The following ZNF618 variants were observed in gnomAD, a reference collection of about 807,000 sequenced individuals.
ZNF618 encodes neural precursor cell expressed, developmentally down-regulated 10.
A neutral mutation model predicts 103.0 loss-of-function variants in ZNF618; 34 were observed. The observed-to-expected ratio is 0.33, with a 90% CI of 0.25 to 0.44. The LOEUF (loss-of-function observed/expected upper bound fraction) is 0.44. Ranked by LOEUF, ZNF618 falls within the 20% of genes least tolerant of loss-of-function variation. The pLI is 1.00. For missense variants in ZNF618, 1,059 were observed against 1,295.4 expected (o/e 0.82, Z 2.80); for synonymous variants, 551 against 542.2 (o/e 1.02, Z -0.23).
At chr9:113,903,523 A>T (rs528220624) in intron 1 of ZNF618, among the ~76,000 whole-genome samples, 2 of 151,550 alleles carry the variant, frequency 1.3e-5, no homozygotes, top group Non-Finnish European at 2.9e-5. Flanking sequence ...AGCATCTATC[A>T]TAGTTTATGT....
chr9:114,026,100 G>A (rs1393371073), intron 10 of ZNF618, among the ~76,000 whole-genome samples: 1 of 152,224 alleles, frequency 6.6e-6, no homozygotes, highest in Non-Finnish European at 1.5e-5. Flanking sequence ...AGTTTTGGGG[G>A]AGGCAGACTC....
chr9:113,998,269 G>C lies in ZNF618; in HGVS notation c.348G>C (p.Ala116=), dbSNP rs977285433. The C allele has an allele frequency of 6.4e-7, 1 of 1,550,516 alleles. No homozygotes were observed. The highest frequency in any genetic ancestry group is 8.7e-7 in the Non-Finnish European group (1 of 1,146,964). ...VRNQQTLDGK[A]PEGSPHGGSV... Reference sequence around the variant, plus strand: ...TCTTACGTAATTCAGATGGAAAAGCGCCCGAAGGCAGCCCCCACGGTGGAT... The same window carrying C: ...TCTTACGTAATTCAGATGGAAAAGCCCCCGAAGGCAGCCCCCACGGTGGAT... Residue 116 remains alanine (A), a synonymous_variant, in exon 4 of 15, where the codon GCG becomes GCC. Transcript: ENST00000374126.
At chr9:113,914,936 A>G (rs918740778) in intron 1 of ZNF618, among the ~76,000 whole-genome samples, 3 of 152,172 alleles carry the variant, frequency 2.0e-5, no homozygotes, top group African/African-American at 7.2e-5. Flanking sequence ...ACTTACCTGC[A>G]TAGCCCCTGA....
chr9:113,938,472 A>G (rs1285914158), intron 1 of ZNF618, among the ~76,000 whole-genome samples: 1 of 151,894 alleles, frequency 6.6e-6, no homozygotes, highest in East Asian at 1.9e-4. Context: ...GTGAGCCACC[A>G]CACCCAACCC....
At chr9:113,951,497 G>GTGTACACATATGTGTGTACATA (rs1835694670) in intron 1 of ZNF618, among the ~76,000 whole-genome samples, 1 of 36,898 alleles carries the variant, frequency 2.7e-5, no homozygotes, top group African/African-American at 7.6e-5. Flanking sequence ...ATGTGTGTAT[G>GTGTACACATATGTGTGTACATA]TGTACACATA....
At chr9:114,041,293 A>G (rs1845159151) in intron 13 of ZNF618, among the ~76,000 whole-genome samples, 1 of 152,084 alleles carries the variant, frequency 6.6e-6, no homozygotes, top group Non-Finnish European at 1.5e-5. Context: ...ATTCACTCTG[A>G]TGGTAGTTTC....
At chr9:114,046,817 C>T (rs1438057779) in intron 13 of ZNF618, among the ~76,000 whole-genome samples, 1 of 152,108 alleles carries the variant, frequency 6.6e-6, no homozygotes, top group East Asian at 1.9e-4. Context: ...TTGTCTTTTA[C>T]TCTATTAGCG....
chr9:114,036,821 C>T (rs573306152), intron 13 of ZNF618, among the ~76,000 whole-genome samples: 3 of 152,360 alleles, frequency 2.0e-5, no homozygotes, highest in Admixed American at 6.5e-5. Flanking sequence ...GAGTCTCATT[C>T]ACTAACACCC....
chr9:114,038,465 T>G (rs1156660434), intron 13 of ZNF618, among the ~76,000 whole-genome samples: 1 of 152,224 alleles, frequency 6.6e-6, no homozygotes, highest in Non-Finnish European at 1.5e-5. Flanking sequence ...CCAGCCACAC[T>G]GAATCGGGAT....
chr9:114,020,477 T>TGTTTA (rs1842978191), intron 10 of ZNF618, among the ~76,000 whole-genome samples: 1 of 152,166 alleles, frequency 6.6e-6, no homozygotes, highest in South Asian at 2.1e-4. Flanking sequence ...ATTTAGGGCT[T>TGTTTA]GTTTAGTTTC....
chr9:114,045,639 A>G (rs1249968426), intron 13 of ZNF618, among the ~76,000 whole-genome samples: 1 of 152,062 alleles, frequency 6.6e-6, no homozygotes, highest in Non-Finnish European at 1.5e-5. Context: ...TAGTTTGGAA[A>G]TCAGGAAGTA....
At chr9:113,963,314 T>C (rs946389208) in intron 1 of ZNF618, among the ~76,000 whole-genome samples, 2 of 152,218 alleles carry the variant, frequency 1.3e-5, no homozygotes, top group African/African-American at 4.8e-5. Context: ...ACAATGTTGA[T>C]GTTTGTACTA....
intron 1 of ZNF618, among the ~76,000 whole-genome samples, chr9:113,968,738 T>C (rs985553825): frequency 2.0e-5 from 3 of 152,170 alleles, no homozygotes; most frequent in African/African-American, 7.2e-5. Context: ...TTCCCTCTGG[T>C]TGGTAGGAAT....
Position 113,969,148 on chromosome 9 carries a change from G to A in ZNF618, c.65G>A (p.Ser22Asn). The part of the protein sequence containing the change: ...ADGASAAGRK[S>N]TASRERLKRS... ...GGAGCCAGTGCAGCCGGAAGGAAAAGCACTGCGAGCAGGTACACTCCCTCT... is the reference window on the plus strand; with the variant it reads ...GGAGCCAGTGCAGCCGGAAGGAAAAACACTGCGAGCAGGTACACTCCCTCT... Residue 22 changes from serine (S) to asparagine (N), a missense_variant, in exon 2 of 15, where the codon AGC (serine) becomes AAC (asparagine). Around this residue, in one of 6 missense-constraint regions of ZNF618, gnomAD observed 194 missense variants for 209.0 expected, o/e 0.93. Coordinates refer to ENST00000374126, the MANE Select transcript of ZNF618 (RefSeq NM_001318042.2). 4 of 1,613,978 alleles carry A rather than the reference G, an allele frequency of 2.5e-6. No homozygotes were observed. The South Asian group carries it at 4.4e-5, about 18-fold the overall frequency.
At chr9:113,893,751 ATCT>A (rs1388273012) in intron 1 of ZNF618, among the ~76,000 whole-genome samples, 2 of 152,128 alleles carry the variant, frequency 1.3e-5, no homozygotes, top group African/African-American at 4.8e-5. Context: ...TGTAATGAAC[ATCT>A]TCTATATATA....
intron 1 of ZNF618, among the ~76,000 whole-genome samples, chr9:113,940,772 T>C (rs192179759): frequency 1.6e-4 from 25 of 152,326 alleles, no homozygotes; most frequent in African/African-American, 5.5e-4. Flanking sequence ...GCTTTCGTCA[T>C]TGATAACATC....
Position 114,028,841 on chromosome 9 carries a change from A to G in ZNF618, c.953A>G (p.Asn318Ser). ...TTCGTGGCAGCGAAGACCCAGACGA[A>G]CCAGTCGGGGAAAAAAGCTCCGGCC... ...PRFVAAKTQT[N>S]QSGKKAPASV... Residue 318 changes from asparagine (N) to serine (S), a missense_variant, in exon 11 of 15, where the codon AAC (asparagine) becomes AGC (serine). Around this residue, in one of 6 missense-constraint regions of ZNF618, gnomAD observed 434 missense variants for 476.0 expected, o/e 0.91. Coordinates refer to ENST00000374126, the MANE Select transcript of ZNF618 (RefSeq NM_001318042.2). 6.4e-7 allele frequency: 1 copy of G among 1,550,592 alleles called. No homozygotes were observed. The highest frequency in any genetic ancestry group is 8.7e-7 in the Non-Finnish European group (1 of 1,146,984).
chr9:113,959,824 G>GTC (rs1836677256), intron 1 of ZNF618, among the ~76,000 whole-genome samples: 1 of 152,150 alleles, frequency 6.6e-6, no homozygotes, highest in South Asian at 2.1e-4. Context: ...GGCCAGGCTG[G>GTC]TCTCGACCTC....
In ZNF618 at chr9:113,909,079, G is replaced by A. The variant is rs533181501; in HGVS notation, c.33+32666G>A. ...GATAGGAGCCAGGAGTCTGGGGTTC[G>A]AGGCGCAGCTCTGCCCCTCGGCTGC... is the stretch of plus-strand genomic sequence containing the variant. On this transcript the variant is annotated intron_variant, in intron 1 of 14. Transcript: ENST00000374126. Among the ~76,000 whole-genome samples, 8 of 152,052 alleles carry A rather than the reference G, an allele frequency of 5.3e-5. No homozygotes were observed. The East Asian group carries it at 1.2e-3, about 22-fold the overall frequency.
Sources: allele counts gnomAD v4.1 joint callset (sites outside exome capture counted in the v4.1 genomes callset), GRCh38; gene constraint gnomAD v4.1.1; regional missense constraint gnomAD v4.1.1; transcripts MANE v1.5; gene names NCBI Gene and HGNC (gene_info 2026-07-23, HGNC 2026-07-21).